ZSCAN5A: variants seen among roughly 807,000 people sequenced by gnomAD.
ZSCAN5A encodes zinc finger and SCAN domain-containing protein 5A.
A neutral mutation model predicts 23.7 loss-of-function variants in ZSCAN5A; 12 were observed. The ratio of observed to expected loss-of-function variants is 0.51; its 90% confidence interval spans 0.32 to 0.82. The LOEUF is 0.82. ZSCAN5A is among the 40% of genes least tolerant of loss of function. ZSCAN5A has a pLI of 0.03. For missense variants in ZSCAN5A, 597 were observed against 617.9 expected, an observed-to-expected ratio of 0.97 and a Z score of 0.36; for synonymous variants, 257 against 239.9, an observed-to-expected ratio of 1.07 and a Z score of -0.66.
In ZSCAN5A at chr19:56,352,203, G is replaced by A. The variant is rs2041671891; in HGVS notation, c.-358+11032C>T. On this transcript the variant is annotated intron_variant, in intron 2 of 6. Transcript: ENST00000587340. This position sits in a 1 kb window ranked among gnomAD's most constrained non-coding sequence, Gnocchi z 4.2. ...TGCAAGCTCCGCCTCCTGGATTCAC[G>A]CCATTCTCCTGCCTCAGCCTCCCAA... is the stretch of plus-strand genomic sequence containing the variant. 6.7e-6 allele frequency among the ~76,000 whole-genome samples: 1 copy of A among 148,778 alleles called. No individual in the cohort carries two copies. Among genetic ancestry groups the A allele is most frequent in the Non-Finnish European group, 1.5e-5 (1 of 68,002 alleles).
intron 2 of ZSCAN5A, among the ~76,000 whole-genome samples, chr19:56,292,439 G>GT (rs1177298841): frequency 3.1e-5 from 4 of 129,626 alleles, no homozygotes; most frequent in Non-Finnish European, 5.2e-5. Flanking sequence ...ATTATTTTTG[G>GT]TTTTTTTGTC....
chr19:56,354,118 T>C (rs1416230916), intron 2 of ZSCAN5A, among the ~76,000 whole-genome samples: 1 of 152,200 alleles, frequency 6.6e-6, no homozygotes, highest in Admixed American at 6.5e-5. Flanking sequence ...AGTGTGGTGG[T>C]TGCGAGGAGC....
At chr19:56,283,376 AT>A (rs2038859093) in intron 2 of ZSCAN5A, 1 of 152,142 alleles carries the variant, frequency 6.6e-6, no homozygotes, top group Non-Finnish European at 1.5e-5. Context: ...ATTGACACAG[AT>A]CCAAACAGGA....
intron 2 of ZSCAN5A, chr19:56,320,901 C>T: frequency 1.3e-6 from 1 of 762,086 alleles, no homozygotes. Flanking sequence ...CAATCTTTAC[C>T]CCCTTGAAGG....
chr19:56,224,238 G>A (rs2033655151), intron 3 of ZSCAN5A: 1 of 254,576 alleles, frequency 3.9e-6, no homozygotes, highest in Non-Finnish European at 7.5e-6. Context: ...CTTCAGGATG[G>A]GACTCCTGGG....
rs34187696 is a variant in ZSCAN5A at position 56,222,056 on chromosome 19, C to T, written c.1010G>A (p.Gly337Asp). Residue 337 changes from glycine (G) to aspartate (D), a missense_variant, in exon 6 of 6, where the codon GGC becomes GAC. By Grantham distance (94) the Gly-to-Asp change is moderately conservative. Coordinates refer to ENST00000683990, the MANE Select transcript of ZSCAN5A (RefSeq NM_001322064.3). ...CGGGTGACTGACTGGGCTCGCAGGG[C>T]CTGGGGAATGAATTGAATTCATCCC... ...QAGMNSIHSP[G>D]PASPVSHPDG... 3.7e-6 allele frequency: 6 copies of T among 1,613,918 alleles called. No homozygotes were observed. Among genetic ancestry groups the T allele is most frequent in the South Asian group, 3.3e-5 (3 of 91,074 alleles).
chr19:56,308,964 T>C (rs1392436210), intron 2 of ZSCAN5A, among the ~76,000 whole-genome samples: 1 of 152,222 alleles, frequency 6.6e-6, no homozygotes, highest in Admixed American at 6.5e-5. Flanking sequence ...GGGCCAAATA[T>C]TACGTGTTGG....
intron 5 of ZSCAN5A, 70 bp downstream of exon 5, chr19:56,222,521 T>A: frequency 1.9e-6 from 3 of 1,575,114 alleles, no homozygotes; most frequent in African/African-American, 1.4e-5. Flanking sequence ...GGGATGATAA[T>A]GCTGGGCCCC....
At chr19:56,250,150 C>T (rs2036238004) in intron 2 of ZSCAN5A, among the ~76,000 whole-genome samples, 1 of 152,132 alleles carries the variant, frequency 6.6e-6, no homozygotes, top group African/African-American at 2.4e-5. Context: ...ACAGGACACC[C>T]TGAGAGAGTG....
At chr19:56,250,206 T>C (rs1273475127) in intron 2 of ZSCAN5A, among the ~76,000 whole-genome samples, 1 of 152,176 alleles carries the variant, frequency 6.6e-6, no homozygotes, top group Non-Finnish European at 1.5e-5. Flanking sequence ...AAAGACCTGC[T>C]CAAGAGCGAC....
chr19:56,364,628 G>T lies in ZSCAN5A; in HGVS notation c.-521-1230C>A, dbSNP rs375087145. ...AAAGGAGTGCACATGGCCATAGAGA[G>T]ATATGTTCATACAGCTTTATTCACA... is the stretch of plus-strand genomic sequence containing the variant. On this transcript the variant is annotated intron_variant, in intron 1 of 6. Coordinates refer to the ZSCAN5A transcript ENST00000587340. 7.3e-4 allele frequency among the ~76,000 whole-genome samples: 111 copies of T among 152,324 alleles called. 1 individual carries two copies. The highest frequency in any genetic ancestry group is 2.5e-3 in the African/African-American group (105 of 41,566).
chr19:56,326,510 TCTACTCTCTGTTA>T lies in ZSCAN5A; in HGVS notation c.-357-10255_-357-10243del, dbSNP rs145324100. On this transcript the variant is annotated intron_variant, in intron 2 of 6. Coordinates refer to the ZSCAN5A transcript ENST00000587340. ...ACCCTCCACCCCTGGTAACTGCCAT[TCTACTCTCTGTTA>T]CTACTCTCTGAGTTTGACTTTTTAA... is the stretch of plus-strand genomic sequence containing the variant. 1.6e-3 allele frequency among the ~76,000 whole-genome samples: 246 copies of T among 152,200 alleles called. 2 individuals carry two copies. The East Asian group carries it at 0.035, about 22-fold the overall frequency.
In ZSCAN5A at chr19:56,271,051, A is replaced by C. The variant is rs575179666; in HGVS notation, c.-128+42232T>G. ...CAGGCATTTGTTGCATTTAAACCCT[A>C]GTGTTATGAGTTAGGGACTGTGATT... On this transcript the variant is annotated intron_variant, in intron 2 of 5. Transcript: ENST00000683990. 6.6e-5 allele frequency among the ~76,000 whole-genome samples: 10 copies of C among 152,344 alleles called. No homozygotes were observed. In the South Asian group the frequency reaches 2.1e-3, roughly 32 times the overall value.
chr19:56,289,081 T>C (rs1275794226), intron 2 of ZSCAN5A, among the ~76,000 whole-genome samples: 1 of 152,128 alleles, frequency 6.6e-6, no homozygotes, highest in African/African-American at 2.4e-5. Context: ...CTGGTAAATG[T>C]CTAACAACCA....
intron 2 of ZSCAN5A, among the ~76,000 whole-genome samples, chr19:56,262,150 TG>T: frequency 6.6e-6 from 1 of 152,064 alleles, no homozygotes; most frequent in African/African-American, 2.4e-5. Flanking sequence ...CCTGAGTAGC[TG>T]GGGTTACAGG....
chr19:56,327,194 C>G (rs1387627678), intron 2 of ZSCAN5A, among the ~76,000 whole-genome samples: 1 of 151,972 alleles, frequency 6.6e-6, no homozygotes, highest in African/African-American at 2.4e-5. Flanking sequence ...ATGGCTCACT[C>G]CAGCCTCAAA....
At chr19:56,237,709 C>T (rs1166783727) in intron 2 of ZSCAN5A, among the ~76,000 whole-genome samples, 1 of 151,900 alleles carries the variant, frequency 6.6e-6, no homozygotes, top group African/African-American at 2.4e-5. Flanking sequence ...CGCTTGAGCT[C>T]AGGAGTTTGA....
intron 2 of ZSCAN5A, among the ~76,000 whole-genome samples, chr19:56,325,870 TTTGA>T (rs2041427646): frequency 6.6e-6 from 1 of 152,068 alleles, no homozygotes; most frequent in African/African-American, 2.4e-5. Context: ...AGCTTTGAGT[TTTGA>T]TTAACAAAAA....
At chr19:56,318,592 A>G (rs1355486856), upstream of ZSCAN5A, among the ~76,000 whole-genome samples, 3 of 152,326 alleles carry the variant, frequency 2.0e-5, no homozygotes, top group African/African-American at 7.2e-5. Flanking sequence ...ACATGATGCA[A>G]ACATTGCAAG....
Sources: gnomAD v4.1 joint callset for allele counts (sites outside exome capture counted in the v4.1 genomes callset) on GRCh38, gnomAD v4.1.1 for gene constraint, Gnocchi (gnomAD v3.1) non-coding constraint, MANE v1.5 for transcripts, NCBI Gene and HGNC (gene_info 2026-07-23, HGNC 2026-07-21) for gene names.